ARHGEF12: variants seen among roughly 807,000 people sequenced by gnomAD.
ARHGEF12 encodes the protein KMT2A/ARHGEF12 fusion protein.
Under a neutral mutation model 211.2 loss-of-function variants are expected in ARHGEF12, and 66 were observed. The ratio of observed to expected loss-of-function variants is 0.31; its 90% CI spans 0.26 to 0.38. The LOEUF (loss-of-function observed/expected upper bound fraction) is 0.38, where lower values mean the gene tolerates loss of function less well. Ranked by LOEUF, ARHGEF12 falls within the 10% of genes least tolerant of loss-of-function variation. The pLI is 1.00. For missense variants in ARHGEF12, 1,429 were observed against 1,869.5 expected, an observed-to-expected ratio of 0.76 and a Z score of 4.34; for synonymous variants, 592 against 638.4, an observed-to-expected ratio of 0.93 and a Z score of 1.09.
intron 1 of ARHGEF12, among the ~76,000 whole-genome samples, chr11:120,370,352 T>C (rs1943555714): frequency 6.6e-6 from 1 of 152,200 alleles, no homozygotes; most frequent in Non-Finnish European, 1.5e-5. Flanking sequence ...GGTTTGACTA[T>C]TTCTGTACCG....
chr11:120,347,150 TCC>T (rs1565416927), intron 1 of ARHGEF12, among the ~76,000 whole-genome samples: 36 of 44,672 alleles, frequency 8.1e-4, no homozygotes, highest in Non-Finnish European at 9.5e-4. Flanking sequence ...CTTCCTTCCT[TCC>T]TTCCTTCCTT....
Position 120,458,134 on chromosome 11 carries a change from T to A in ARHGEF12, c.2280T>A (p.Asn760Lys). 1 of 1,608,934 alleles carries A rather than the reference T, an allele frequency of 6.2e-7. No individual in the cohort carries two copies. Among genetic ancestry groups the A allele is most frequent in the Non-Finnish European group, 8.5e-7 (1 of 1,178,932 alleles). ...ESQSEDEQFE[N>K]DLETDPPNWQ... ...AAAGTGAGGATGAACAATTTGAAAA[T>A]GACTTAGAGACAGATCCACCCAACT... The change falls in exon 25 of 41, where the codon AAT (asparagine) becomes AAA (lysine). Residue 760 changes from asparagine (N) to lysine (K), a missense_variant. By Grantham distance (94) the Asn-to-Lys change is moderately conservative. Transcript: ENST00000397843.
At chr11:120,452,981 C>T (rs897170485) in intron 22 of ARHGEF12, among the ~76,000 whole-genome samples, 2 of 147,332 alleles carry the variant, frequency 1.4e-5, no homozygotes, top group African/African-American at 2.5e-5. Context: ...GCCTGGGCAA[C>T]AGAGTGAGAC....
At chr11:120,378,578 C>T (rs11600703) in intron 1 of ARHGEF12, among the ~76,000 whole-genome samples, 70,600 of 151,926 alleles carry the variant, frequency 0.46, 17,357 homozygotes, top group African/African-American at 0.63. Context: ...CAGAAAATGT[C>T]CTCTTAATTT....
At chr11:120,405,366 T>C (rs1944668587) in intron 1 of ARHGEF12, among the ~76,000 whole-genome samples, 1 of 152,148 alleles carries the variant, frequency 6.6e-6, no homozygotes, top group Admixed American at 6.5e-5. Context: ...CAAACGCTTA[T>C]CAAGAAGCTT....
chr11:120,338,849 T>G (rs1942439582), intron 1 of ARHGEF12, among the ~76,000 whole-genome samples: 1 of 152,118 alleles, frequency 6.6e-6, no homozygotes, highest in South Asian at 2.1e-4. Context: ...AGCCCTCAAG[T>G]AATGGTTTTT....
At chr11:120,429,965 A>G in intron 10 of ARHGEF12, 134 bp downstream of exon 10, 3 of 956,848 alleles carry the variant, frequency 3.1e-6, no homozygotes, top group Non-Finnish European at 3.0e-6. Context: ...CCTGTTAAGG[A>G]TGTTACAGAA....
rs1946390201 is a variant in ARHGEF12 at position 120,457,260 on chromosome 11, T to C, written c.2189+10T>C. 1.2e-6 allele frequency: 2 copies of C among 1,613,498 alleles called. No homozygotes were observed. The highest frequency in any genetic ancestry group is 4.5e-5 in the East Asian group (2 of 44,864). On this transcript the variant is annotated intron_variant, in intron 23 of 40. Transcript: ENST00000397843. Reference sequence around the variant, plus strand: ...AATGTGAAGTAGAAAGGTAATTCAGTGATCTCTTAGAGAAGCTTAGGGCAT... The same window carrying C: ...AATGTGAAGTAGAAAGGTAATTCAGCGATCTCTTAGAGAAGCTTAGGGCAT...
intron 4 of ARHGEF12, among the ~76,000 whole-genome samples, chr11:120,417,490 C>G (rs1945065703): frequency 6.6e-6 from 1 of 150,618 alleles, no homozygotes; most frequent in Non-Finnish European, 1.5e-5. Flanking sequence ...CTGTAAAATG[C>G]TGCTTAGTCT....
intron 1 of ARHGEF12, among the ~76,000 whole-genome samples, chr11:120,354,248 A>C (rs1166184048): frequency 6.6e-6 from 1 of 152,190 alleles, no homozygotes; most frequent in Non-Finnish European, 1.5e-5. Flanking sequence ...GATAAGGCTC[A>C]AAGAGGGCTC....
Position 120,445,497 on chromosome 11 carries a change from A to T in ARHGEF12, c.1345+33A>T, listed in dbSNP as rs745610534. On this transcript the variant is annotated intron_variant, in intron 16 of 40. Coordinates refer to ENST00000397843, the MANE Select transcript of ARHGEF12 (RefSeq NM_015313.3). ...TGGAGCACTAACATCCTGGAGAATT[A>T]CATCTTAATAGATATGTAGCTCAGC... is the stretch of plus-strand genomic sequence containing the variant. 6.9e-6 allele frequency: 11 copies of T among 1,601,660 alleles called. No individual in the cohort carries two copies. The African/African-American group carries it at 1.5e-4, about 21-fold the overall frequency.
chr11:120,354,826 A>T (rs536907240), intron 1 of ARHGEF12, among the ~76,000 whole-genome samples: 167 of 152,334 alleles, frequency 1.1e-3, no homozygotes, highest in Non-Finnish European at 1.1e-3. Flanking sequence ...GCTAACATGC[A>T]AAAGGCAGTG....
chr11:120,442,873 A>T (rs1212953813), intron 15 of ARHGEF12, among the ~76,000 whole-genome samples: 2 of 151,912 alleles, frequency 1.3e-5, no homozygotes, highest in Admixed American at 6.6e-5. Flanking sequence ...TTCCTTTCCT[A>T]GTCCTTTCTC....
At chr11:120,349,292 A>G (rs1942861916) in intron 1 of ARHGEF12, among the ~76,000 whole-genome samples, 2 of 152,236 alleles carry the variant, frequency 1.3e-5, no homozygotes, top group Non-Finnish European at 2.9e-5. Context: ...CTGTTTCCAA[A>G]AATAGAAAGT....
chr11:120,455,158 C>T (rs946401106), intron 22 of ARHGEF12, among the ~76,000 whole-genome samples: 1 of 152,182 alleles, frequency 6.6e-6, no homozygotes, highest in Non-Finnish European at 1.5e-5. Context: ...CAACATCTGT[C>T]TCTTTCACAA....
chr11:120,387,072 G>A (rs1371186416), intron 1 of ARHGEF12, among the ~76,000 whole-genome samples: 1 of 151,940 alleles, frequency 6.6e-6, no homozygotes, highest in African/African-American at 2.4e-5. Context: ...ATTTAACATC[G>A]TCTGTAAAGT....
chr11:120,386,869 A>G (rs975128709), intron 1 of ARHGEF12, among the ~76,000 whole-genome samples: 16 of 152,128 alleles, frequency 1.1e-4, no homozygotes, highest in African/African-American at 3.1e-4. Context: ...GTGATTTACC[A>G]TAAGTAACAA....
At chr11:120,466,623 A>C (rs1795484314) in intron 28 of ARHGEF12, among the ~76,000 whole-genome samples, 1 of 152,212 alleles carries the variant, frequency 6.6e-6, no homozygotes, top group Non-Finnish European at 1.5e-5. Flanking sequence ...CTTGGAGGCC[A>C]TATTAGAGTT....
In ARHGEF12 at chr11:120,353,677, G is replaced by A. The variant is rs550604685; in HGVS notation, c.32+16402G>A. On this transcript the variant is annotated intron_variant, in intron 1 of 40. Coordinates refer to ENST00000397843, the MANE Select transcript of ARHGEF12 (RefSeq NM_015313.3). Reference sequence around the variant, plus strand: ...TGATGTCTCCAAAATGTGAGAATCTGAAATCTGTCTCCTTTTTCCCACATC... The same window carrying A: ...TGATGTCTCCAAAATGTGAGAATCTAAAATCTGTCTCCTTTTTCCCACATC... Among the ~76,000 whole-genome samples, 4 of 152,208 alleles carry A rather than the reference G, an allele frequency of 2.6e-5. No individual in the cohort carries two copies. The East Asian group carries it at 7.7e-4, about 29-fold the overall frequency.
Sources: gnomAD v4.1 joint callset for allele counts (sites outside exome capture counted in the v4.1 genomes callset) on GRCh38, gnomAD v4.1.1 for gene constraint, MANE v1.5 for transcripts, NCBI Gene and HGNC (gene_info 2026-07-23, HGNC 2026-07-21) for gene names.